The following UBE2E2 variants were observed in gnomAD, a reference collection of about 807,000 sequenced individuals.
UBE2E2 encodes the protein ubiquitin-conjugating enzyme E2 E2.
In UBE2E2, 6 loss-of-function variants were observed where a neutral mutation model predicts 24.7. That is an observed-to-expected ratio of 0.24 (90% CI 0.13 to 0.48). The LOEUF (loss-of-function observed/expected upper bound fraction) is 0.48, where lower values mean the gene tolerates loss of function less well. UBE2E2 is among the 20% of genes least tolerant of loss of function. The pLI is 0.99. For missense variants in UBE2E2, 169 were observed against 245.0 expected, an observed-to-expected ratio of 0.69 and a Z score of 2.07; for synonymous variants, 104 against 83.6, an observed-to-expected ratio of 1.24 and a Z score of -1.33.
intron 4 of UBE2E2, among the ~76,000 whole-genome samples, chr3:23,531,605 T>G (rs753127249): frequency 7.9e-5 from 12 of 152,058 alleles, no homozygotes; most frequent in Non-Finnish European, 1.6e-4. Flanking sequence ...GCACTAATAT[T>G]ACGTTTTAAA....
chr3:23,520,409 A>C (rs1694836901), intron 4 of UBE2E2, among the ~76,000 whole-genome samples: 2 of 152,212 alleles, frequency 1.3e-5, no homozygotes, highest in Non-Finnish European at 2.9e-5. Context: ...CTTACTGTTT[A>C]TACATGTGGT....
At chr3:23,468,989 A>G (rs767766338) in intron 3 of UBE2E2, among the ~76,000 whole-genome samples, 1 of 152,304 alleles carries the variant, frequency 6.6e-6, no homozygotes, top group South Asian at 2.1e-4. Context: ...TAGTTAGCCA[A>G]TCACTGAAAT....
intron 3 of UBE2E2, among the ~76,000 whole-genome samples, chr3:23,372,055 T>C (rs1364893660): frequency 6.6e-6 from 1 of 151,902 alleles, no homozygotes; most frequent in Non-Finnish European, 1.5e-5. Flanking sequence ...GAAATGGAGG[T>C]TGCAGTGAGC....
chr3:23,456,522 T>C (rs76479167), intron 3 of UBE2E2, among the ~76,000 whole-genome samples: 4,402 of 152,310 alleles, frequency 0.029, 110 homozygotes, highest in East Asian at 0.13. Context: ...AGAATGGTTG[T>C]TGAGTTAGCA....
At chr3:23,406,489 T>C (rs879718232) in intron 3 of UBE2E2, among the ~76,000 whole-genome samples, 6 of 152,192 alleles carry the variant, frequency 3.9e-5, no homozygotes, top group Non-Finnish European at 1.5e-5. Flanking sequence ...AAAGAACTCA[T>C]CTAGTTAGTA....
chr3:23,323,225 T>C (rs1296447863), intron 3 of UBE2E2, among the ~76,000 whole-genome samples: 1 of 152,114 alleles, frequency 6.6e-6, no homozygotes, highest in African/African-American at 2.4e-5. Context: ...TTCTGTTTTA[T>C]TGATGAAGAA....
chr3:23,450,022 AT>A (rs1340533754), intron 3 of UBE2E2: 7 of 697,362 alleles, frequency 1.0e-5, no homozygotes, highest in African/African-American at 1.9e-5. Context: ...GACCTCAGCA[AT>A]TTTTTCATTT....
intron 3 of UBE2E2, among the ~76,000 whole-genome samples, chr3:23,390,559 G>A (rs979363412): frequency 1.3e-5 from 2 of 152,120 alleles, no homozygotes; most frequent in African/African-American, 4.8e-5. Flanking sequence ...ACGAACCCAG[G>A]TACCAAGAGG....
At chr3:23,250,196 C>T (rs1475874036) in intron 3 of UBE2E2, among the ~76,000 whole-genome samples, 1 of 152,162 alleles carries the variant, frequency 6.6e-6, no homozygotes, top group Non-Finnish European at 1.5e-5. Context: ...GCCAAAGTCA[C>T]AGCCATTAAG....
intron 3 of UBE2E2, among the ~76,000 whole-genome samples, chr3:23,267,782 T>C (rs1295961837): frequency 4.0e-5 from 6 of 150,988 alleles, no homozygotes; most frequent in African/African-American, 7.3e-5. Context: ...ATATCCTTGA[T>C]GAACATTGAT....
intron 3 of UBE2E2, among the ~76,000 whole-genome samples, chr3:23,388,238 C>T (rs970097108): frequency 1.3e-5 from 2 of 152,110 alleles, no homozygotes; most frequent in Admixed American, 6.6e-5. Context: ...GCAATATTTG[C>T]CTGCTTCTAT....
At chr3:23,581,014 A>G (rs966507892) in intron 5 of UBE2E2, among the ~76,000 whole-genome samples, 3 of 152,174 alleles carry the variant, frequency 2.0e-5, no homozygotes, top group Admixed American at 6.5e-5. Context: ...CATATGGCAA[A>G]GGGCTTTTAT....
intron 3 of UBE2E2, among the ~76,000 whole-genome samples, chr3:23,256,874 G>A (rs1235977897): frequency 6.6e-6 from 1 of 152,172 alleles, no homozygotes; most frequent in Non-Finnish European, 1.5e-5. Flanking sequence ...TTGCCAGAAA[G>A]GCCTCTGGTC....
At chr3:23,582,691 T>G (rs772125547) in intron 5 of UBE2E2, among the ~76,000 whole-genome samples, 3 of 152,220 alleles carry the variant, frequency 2.0e-5, no homozygotes, top group Non-Finnish European at 4.4e-5. Context: ...GCCACATATA[T>G]GCCTTCTTTT....
At chr3:23,264,699 C>T (rs1280921190) in intron 3 of UBE2E2, among the ~76,000 whole-genome samples, 1 of 152,182 alleles carries the variant, frequency 6.6e-6, no homozygotes, top group African/African-American at 2.4e-5. Flanking sequence ...AAATGGATGG[C>T]CTGTACATTT....
chr3:23,381,083 T>TAA (rs1420633100), intron 3 of UBE2E2, among the ~76,000 whole-genome samples: 2 of 152,208 alleles, frequency 1.3e-5, no homozygotes, highest in African/African-American at 4.8e-5. Context: ...AAAGGGCACT[T>TAA]TATTTAATTC....
intron 3 of UBE2E2, among the ~76,000 whole-genome samples, chr3:23,479,021 G>A (rs1256417465): frequency 2.0e-5 from 3 of 152,144 alleles, no homozygotes; most frequent in African/African-American, 7.2e-5. Context: ...TCATACCACA[G>A]GATCCTTTGT....
intron 3 of UBE2E2, among the ~76,000 whole-genome samples, chr3:23,222,303 T>A (rs569627260): frequency 7.9e-4 from 121 of 152,334 alleles, no homozygotes; most frequent in Middle Eastern, 6.8e-3. Flanking sequence ...GGTACTTGGG[T>A]AAACATGGAG....
Position 23,589,032 on chromosome 3 carries a change from A to G in UBE2E2, c.509-702A>G, listed in dbSNP as rs568901047. On this transcript the variant is annotated intron_variant, in intron 5 of 5. Coordinates refer to ENST00000396703, the MANE Select transcript of UBE2E2 (RefSeq NM_152653.4). This position sits in a 1 kb window ranked among gnomAD's most constrained non-coding sequence, Gnocchi z 4.1. ...CCTGCCTGTGGTGCTAGCCTAGGGT[A>G]AGGAGTTGTCCAGACCGCCAAACGT... 2.2e-4 allele frequency among the ~76,000 whole-genome samples: 33 copies of G among 152,026 alleles called. No homozygotes were observed. The highest frequency in any genetic ancestry group is 4.1e-4 in the Non-Finnish European group (28 of 68,008).
Sources: gnomAD v4.1 joint callset for allele counts (sites outside exome capture counted in the v4.1 genomes callset) on GRCh38, gnomAD v4.1.1 for gene constraint, Gnocchi (gnomAD v3.1) non-coding constraint, MANE v1.5 for transcripts, NCBI Gene and HGNC (gene_info 2026-07-23, HGNC 2026-07-21) for gene names.